MRE11: variants seen among roughly 807,000 people sequenced by gnomAD.
MRE11 encodes the protein MRE11 double strand break repair nuclease.
In MRE11, 62 loss-of-function variants were observed where a neutral mutation model predicts 91.7. The observed-to-expected ratio is 0.68, with a 90% CI of 0.55 to 0.84. The LOEUF is 0.84. Among genes scored for constraint, MRE11 ranks in the 40% least tolerant of loss-of-function variants. MRE11 has a pLI of 0.00. For synonymous variants in MRE11, 273 were observed against 271.4 expected (o/e 1.01, Z -0.06); for missense variants, 796 against 852.9 (o/e 0.93, Z 0.83).
chr11:94,422,805 C>G (rs1342521585), intron 19 of MRE11, among the ~76,000 whole-genome samples: 1 of 152,082 alleles, frequency 6.6e-6, no homozygotes, highest in African/African-American at 2.4e-5. Context: ...CCTCCACTTC[C>G]CAGGTTCAAG....
chr11:94,508,422 C>T, the MRE11 span, among the ~76,000 whole-genome samples: 3 of 152,030 alleles, frequency 2.0e-5, no homozygotes, highest in Non-Finnish European at 4.4e-5. Context: ...ACCTTTAGTG[C>T]TATTTTGAGT....
chr11:94,441,977 CAAAAAAA>C (rs35673778), intron 16 of MRE11, among the ~76,000 whole-genome samples: 8 of 48,224 alleles, frequency 1.7e-4, no homozygotes, highest in African/African-American at 4.6e-4. Flanking sequence ...GACTCTGTCT[CAAAAAAA>C]AAAAAAAAAA....
chr11:94,508,825 G>A, the MRE11 span, among the ~76,000 whole-genome samples: 16,595 of 149,834 alleles, frequency 0.11, 1,036 homozygotes, highest in South Asian at 0.17. Context: ...GCAGTGGCAC[G>A]ATCTCGGCTC....
In MRE11 at chr11:94,429,990, A is replaced by C; in HGVS notation, c.1995-4T>G. ...GCTGGATGATGTGCTGGACCACCTG[A>C]GGCAAAACAAAAACAAAAACAAACA... On this transcript the variant is annotated splice_polypyrimidine_tract_variant and splice_region_variant and intron_variant, in intron 18 of 19. Transcript: ENST00000323929. The C allele has an allele frequency of 1.9e-6, 3 of 1,614,046 alleles. No individual in the cohort carries two copies. Among genetic ancestry groups the C allele is most frequent in the Non-Finnish European group, 2.5e-6 (3 of 1,179,952 alleles).
chr11:94,479,578 A>G, intron 5 of MRE11, 96 bp downstream of exon 5: 1 of 1,034,532 alleles, frequency 9.7e-7, no homozygotes, highest in Non-Finnish European at 1.5e-6. Context: ...ACTCAATTTG[A>G]CTACACAATG....
At chr11:94,474,273 C>A (rs1946795018) in intron 7 of MRE11, among the ~76,000 whole-genome samples, 1 of 152,042 alleles carries the variant, frequency 6.6e-6, no homozygotes, top group African/African-American at 2.4e-5. Flanking sequence ...CCTAGACCAT[C>A]TTGAGGTGCC....
intron 10 of MRE11, among the ~76,000 whole-genome samples, chr11:94,467,531 T>A (rs755930486): frequency 6.6e-6 from 1 of 152,152 alleles, no homozygotes; most frequent in Non-Finnish European, 1.5e-5. Flanking sequence ...ATGCCTGGAA[T>A]GAAGTGAGTA....
At chr11:94,478,274 A>G (rs1322505334) in intron 6 of MRE11, among the ~76,000 whole-genome samples, 1 of 152,204 alleles carries the variant, frequency 6.6e-6, no homozygotes, top group Non-Finnish European at 1.5e-5. Context: ...CTTTTTTAAG[A>G]AAAGTATATT....
At chr11:94,448,198 T>C (rs937154450) in intron 14 of MRE11, among the ~76,000 whole-genome samples, 22 of 152,168 alleles carry the variant, frequency 1.4e-4, no homozygotes, top group African/African-American at 5.3e-4. Context: ...GAATATTACA[T>C]ATTTTCTATA....
Position 94,415,835 on chromosome 11 carries a change from G to C in MRE11, c.*4290C>G, listed in dbSNP as rs1945021803. On this transcript the variant is annotated 3_prime_UTR_variant, in exon 20 of 20. Transcript: ENST00000323929. The stretch of plus-strand genomic sequence containing the variant: ...ATTGATGGATAGATTGATTGAGACA[G>C]AGTCTTGCTCTGTTGCCCAGGCTGG... The C allele has an allele frequency of 6.6e-6, 1 of 152,262 alleles. No homozygotes were observed. Among genetic ancestry groups the C allele is most frequent in the South Asian group, 2.1e-4 (1 of 4,828 alleles). The allele number at this position is 152,262 out of a possible 1,614,324, so 9.4% of individuals were successfully genotyped here.
In MRE11 at chr11:94,419,459, G is replaced by GAGAGGGGGAGAGA; in HGVS notation, c.*665_*666insTCTCTCCCCCTCT. 5.4e-6 allele frequency: 1 copy of GAGAGGGGGAGAGA among 183,614 alleles called. No homozygotes were observed. Among genetic ancestry groups the GAGAGGGGGAGAGA allele is most frequent in the Non-Finnish European group, 1.1e-5 (1 of 95,206 alleles). The allele number at this position is 183,614 out of a possible 1,614,324, so 11.4% of individuals were successfully genotyped here. A position where few individuals can be genotyped will look rare whatever the true frequency, so the allele number is the denominator to read the frequency against. ...AGAAAGGAAGAGTGGGGAACGGGGGGGAGAGGGAGAGAGAGAGAGAGAGAG... is the reference window on the plus strand; with the variant it reads ...AGAAAGGAAGAGTGGGGAACGGGGGGAGAGGGGGAGAGAGAGAGGGAGAGAGAGAGAGAGAGAG... On this transcript the variant is annotated 3_prime_UTR_variant, in exon 20 of 20. Transcript: ENST00000323929.
intron 7 of MRE11, chr11:94,475,444 T>C (rs758969682): frequency 8.4e-6 from 3 of 358,756 alleles, no homozygotes; most frequent in Non-Finnish European, 1.7e-5. Flanking sequence ...ACAACTGTAA[T>C]AAATTATATA....
chr11:94,480,184 G>A (rs999506470), intron 4 of MRE11, among the ~76,000 whole-genome samples: 2 of 152,114 alleles, frequency 1.3e-5, no homozygotes, highest in Admixed American at 1.3e-4. Context: ...AAAGTCTCCT[G>A]TCAGCCCCTG....
At chr11:94,495,997 A>G (rs955389037), upstream of MRE11, among the ~76,000 whole-genome samples, 1 of 152,212 alleles carries the variant, frequency 6.6e-6, no homozygotes, top group African/African-American at 2.4e-5. Flanking sequence ...CAAGGACCCA[A>G]CTAAGAACTA....
At chr11:94,496,994 G>C, upstream of MRE11, 3 of 1,608,696 alleles carry the variant, frequency 1.9e-6, no homozygotes, top group Non-Finnish European at 2.5e-6. Flanking sequence ...AGTAGGAAAA[G>C]CACTGGGTTC....
chr11:94,444,029 C>A (rs990478823), intron 16 of MRE11, among the ~76,000 whole-genome samples: 1 of 151,282 alleles, frequency 6.6e-6, no homozygotes, highest in Non-Finnish European at 1.5e-5. Context: ...GCCTCAGCCT[C>A]CCAAGTAGCT....
At chr11:94,464,296 AAC>A in intron 10 of MRE11, 57 bp from the exon 11 acceptor site, 1 of 1,605,520 alleles carries the variant, frequency 6.2e-7, no homozygotes, top group Non-Finnish European at 8.5e-7. Context: ...CAATTTTTAA[AAC>A]ACACACTAAT....
chr11:94,480,016 T>C, intron 4 of MRE11, among the ~76,000 whole-genome samples: 1 of 152,228 alleles, frequency 6.6e-6, no homozygotes, highest in East Asian at 1.9e-4. Context: ...ATGAGTAGTA[T>C]ATCTAATTAA....
chr11:94,445,815 A>G lies in MRE11; in HGVS notation c.1862T>C (p.Ile621Thr). ...CACTTGCAGTCTATACTCACCATCT[A>G]TAATAGACATATTTCTAGATGCTGA... ...AVSASRNMSIIDAFKSTRQQP... is the reference protein window; with the variant it reads ...AVSASRNMSITDAFKSTRQQP... Residue 621 changes from isoleucine to threonine, a missense_variant, in exon 16 of 20, where the codon ATA becomes ACA. By Grantham distance (89) the Ile-to-Thr change is moderately conservative (BLOSUM62 -1). Transcript: ENST00000323929. The G allele has an allele frequency of 3.7e-6, 6 of 1,609,086 alleles. No homozygotes were observed. The highest frequency in any genetic ancestry group is 1.3e-5 in the African/African-American group (1 of 74,908).
Sources: gnomAD v4.1 joint callset for allele counts (sites outside exome capture counted in the v4.1 genomes callset) on GRCh38, gnomAD v4.1.1 for gene constraint, MANE v1.5 for transcripts, NCBI Gene and HGNC (gene_info 2026-07-23, HGNC 2026-07-21) for gene names.